The following JSRP1 variants were observed in gnomAD, a reference collection of about 807,000 sequenced individuals.
JSRP1 encodes the protein 2310032K21Rik.
In JSRP1, 29 loss-of-function variants were observed where a neutral mutation model predicts 21.4. The observed-to-expected ratio is 1.36, with a 90% CI of 1.01 to 1.85. The LOEUF is 1.85. Ranked by LOEUF, JSRP1 falls within the 40% of genes most tolerant of loss-of-function variation. The probability of loss-of-function intolerance (pLI) is 0.00; values close to 1 mark genes in which losing one functional copy is unlikely to be tolerated. For missense variants in JSRP1, 531 were observed against 461.5 expected (o/e 1.15, Z -1.38); for synonymous variants, 221 against 206.1 (o/e 1.07, Z -0.62).
In JSRP1 at chr19:2,252,458, C is replaced by T. The variant is rs948236211; in HGVS notation, c.867G>A (p.Arg289=). The change falls in exon 7 of 7, where the codon CGG becomes CGA. Residue 289 remains arginine (R), a synonymous_variant. Coordinates refer to ENST00000300961, the MANE Select transcript of JSRP1 (RefSeq NM_144616.4). ...QRWESREGGH[R]PWARDSRDAE... is the part of the protein sequence containing the mutation. Reference sequence around the variant, plus strand: ...CGTCCCTGGAGTCCCGTGCCCACGGCCGGTGGCCCCCTTCGCGTGACTCCC... The same window carrying T: ...CGTCCCTGGAGTCCCGTGCCCACGGTCGGTGGCCCCCTTCGCGTGACTCCC... 6 of 1,611,380 alleles carry T rather than the reference C, an allele frequency of 3.7e-6. No homozygotes were observed. The highest frequency in any genetic ancestry group is 1.7e-5 in the Admixed American group (1 of 59,896).
intron 2 of JSRP1, among the ~76,000 whole-genome samples, chr19:2,254,747 C>A (rs964648654): frequency 6.8e-6 from 1 of 147,528 alleles, no homozygotes; most frequent in Non-Finnish European, 1.5e-5. Flanking sequence ...AAAAAATTAG[C>A]GAGGCATGGT....
chr19:2,253,733 G>GCGGCGGCTGCGGGGGCGGCA lies in JSRP1; in HGVS notation c.322_323insTGCCGCCCCCGCAGCCGCCG (p.Pro108LeufsTer13). ...CTCCTCGCTCAGGGCCGGGGGCGGC[G>GCGGCGGCTGCGGGGGCGGCA]GCGGCGGCTGCAGGGGCGGCGCGGT... is the stretch of plus-strand genomic sequence containing the variant. On this transcript the variant is annotated frameshift_variant, in exon 5 of 7. Transcript: ENST00000300961. LOFTEE classifies it high-confidence loss of function. The GCGGCGGCTGCGGGGGCGGCA allele has an allele frequency of 6.7e-7, 1 of 1,487,766 alleles. No individual in the cohort carries two copies. The highest frequency in any genetic ancestry group is 8.9e-7 in the Non-Finnish European group (1 of 1,127,192). 92.2% of individuals were successfully genotyped at this position (1,487,766 alleles called of 1,614,324 possible). A position where few individuals can be genotyped will look rare whatever the true frequency, so the allele number is the denominator to read the frequency against.
At chr19:2,254,406 G>C (rs368012168) in intron 3 of JSRP1, 39 bp downstream of exon 3, 14 of 1,611,930 alleles carry the variant, frequency 8.7e-6, no homozygotes, top group African/African-American at 2.7e-5. Context: ...CAACTCCCCA[G>C]GCGTCCTGGG....
intron 3 of JSRP1, 40 bp from the exon 4 acceptor site, chr19:2,254,341 T>G (rs2025117111): frequency 6.3e-7 from 1 of 1,598,224 alleles, no homozygotes. Flanking sequence ...TTCCTTCCAG[T>G]GCCAAACCCT....
At chr19:2,253,853 G>A (rs1220861299) in intron 4 of JSRP1, 60 bp from the exon 5 acceptor site, 2 of 1,337,174 alleles carry the variant, frequency 1.5e-6, no homozygotes, top group Admixed American at 3.9e-5. Flanking sequence ...CCCTTCCCCG[G>A]GCGCAGGGGA....
At chr19:2,255,417 C>G in intron 1 of JSRP1, 73 bp from the exon 2 acceptor site, 2 of 620,278 alleles carry the variant, frequency 3.2e-6, no homozygotes, top group South Asian at 2.3e-5. Flanking sequence ...CCTGGAGGTT[C>G]TGCGGACACC....
intron 2 of JSRP1, 109 bp from the exon 3 acceptor site, chr19:2,254,591 A>G: frequency 8.0e-7 from 1 of 1,247,808 alleles, no homozygotes. Flanking sequence ...TCTTATAGAT[A>G]AGAAAGTAGG....
chr19:2,252,338 C>A lies in JSRP1; in HGVS notation c.987G>T (p.Gly329=). Residue 329 remains glycine, a synonymous_variant, in exon 7 of 7, where the codon GGG becomes GGT. Transcript: ENST00000300961. ...CCGGCGCGGGGCCGGCTCAGTCCCGCCCCTTGCCTGCGCGGAGCTTCTGGC... is the reference window on the plus strand; with the variant it reads ...CCGGCGCGGGGCCGGCTCAGTCCCGACCCTTGCCTGCGCGGAGCTTCTGGC... ...GSRQKLRAGK[G]RD 1 of 1,512,676 alleles carries A rather than the reference C, an allele frequency of 6.6e-7. No individual in the cohort carries two copies. Among genetic ancestry groups the A allele is most frequent in the Non-Finnish European group, 8.8e-7 (1 of 1,134,496 alleles). The allele number at this position is 1,512,676 out of a possible 1,614,324, so 93.7% of individuals were successfully genotyped here.
At chr19:2,253,508 C>T in intron 5 of JSRP1, 112 bp downstream of exon 5, 1 of 1,098,888 alleles carries the variant, frequency 9.1e-7, no homozygotes, top group Non-Finnish European at 1.2e-6. Context: ...AAGACCCAGC[C>T]CTGGAGAGGA....
chr19:2,254,938 G>C (rs1473580513), intron 2 of JSRP1, among the ~76,000 whole-genome samples: 1 of 151,966 alleles, frequency 6.6e-6, no homozygotes, highest in African/African-American at 2.4e-5. Flanking sequence ...AAGCAGACAG[G>C]CTTGGAGACA....
Position 2,254,230 on chromosome 19 carries a change from C to G in JSRP1, c.219G>C (p.Arg73Ser), listed in dbSNP as rs1321286813. ...PKKMEKEPAA[R>S]GTPGTGKERL... ...TCTCCTTCCCCGTTCCTGGGGTCCC[C>G]CTGGCGGCAGGCTCTTTTTCCATCT... Residue 73 changes from arginine (R) to serine (S), a missense_variant, in exon 4 of 7, where the codon AGG becomes AGC. By Grantham distance (110) the Arg-to-Ser change is moderately radical. Coordinates refer to ENST00000300961, the MANE Select transcript of JSRP1 (RefSeq NM_144616.4). The G allele has an allele frequency of 6.2e-7, 1 of 1,606,526 alleles. No individual in the cohort carries two copies. Among genetic ancestry groups the G allele is most frequent in the Non-Finnish European group, 8.5e-7 (1 of 1,176,656 alleles).
intron 1 of JSRP1, among the ~76,000 whole-genome samples, chr19:2,255,793 T>C (rs1270242462): frequency 6.6e-6 from 1 of 152,208 alleles, no homozygotes; most frequent in African/African-American, 2.4e-5. Context: ...TCTGCTCTCA[T>C]GGGGTCTCCC....
At position 2,254,306 on chromosome 19, in the gene JSRP1, G is replaced by A; in HGVS notation, c.148-5C>T. 4 of 1,596,748 alleles carry A rather than the reference G, an allele frequency of 2.5e-6. No individual in the cohort carries two copies. Among genetic ancestry groups the A allele is most frequent in the Non-Finnish European group, 3.4e-6 (4 of 1,167,892 alleles). On this transcript the variant is annotated splice_polypyrimidine_tract_variant and splice_region_variant and intron_variant, in intron 3 of 6. Transcript: ENST00000300961. ...GCCTTCAGCCACCTGAGAGTCCTGT[G>A]GTTATCACGAGACATTCCACATGTT...
In JSRP1 at chr19:2,252,425, G is replaced by A. The variant is rs1351000568; in HGVS notation, c.900C>T (p.Pro300=). The A allele has an allele frequency of 6.2e-7, 1 of 1,609,484 alleles. No individual in the cohort carries two copies. Among genetic ancestry groups the A allele is most frequent in the Admixed American group, 1.7e-5 (1 of 59,918 alleles). Residue 300 remains proline, a synonymous_variant, in exon 7 of 7, where the codon CCC becomes CCT. Coordinates refer to ENST00000300961, the MANE Select transcript of JSRP1 (RefSeq NM_144616.4). ...GGGACACCCAGGCCTGCTTCTTCCTGGGCTCGGCGTCCCTGGAGTCCCGTG... is the reference window on the plus strand; with the variant it reads ...GGGACACCCAGGCCTGCTTCTTCCTAGGCTCGGCGTCCCTGGAGTCCCGTG... ...PWARDSRDAE[P]RKKQAWVSPR...
rs2025068964 is a variant in JSRP1, at chr19:2,252,441, G to C, written c.884C>G (p.Ser295Cys). 3.7e-6 allele frequency: 6 copies of C among 1,610,808 alleles called. No homozygotes were observed. The highest frequency in any genetic ancestry group is 5.1e-6 in the Non-Finnish European group (6 of 1,179,584). ...CTTCTTCCTGGGCTCGGCGTCCCTG[G>C]AGTCCCGTGCCCACGGCCGGTGGCC... ...EGGHRPWARD[S>C]RDAEPRKKQA... The change falls in exon 7 of 7, where the codon TCC becomes TGC. Residue 295 changes from serine (S) to cysteine (C), a missense_variant. Physicochemically the swap from Ser to Cys is moderately radical, Grantham distance 112 (BLOSUM62 -1). Transcript: ENST00000300961.
Position 2,252,407 on chromosome 19 carries a change from C to G in JSRP1, c.918G>C (p.Trp306Cys). The G allele has an allele frequency of 6.2e-7, 1 of 1,606,274 alleles. No individual in the cohort carries two copies. The highest frequency in any genetic ancestry group is 8.5e-7 in the Non-Finnish European group (1 of 1,178,394). ...RDAEPRKKQA[W>C]VSPRRPDEEQ... ...CCTCGTCGGGACGCCTCGGGGACACCCAGGCCTGCTTCTTCCTGGGCTCGG... is the reference window on the plus strand; with the variant it reads ...CCTCGTCGGGACGCCTCGGGGACACGCAGGCCTGCTTCTTCCTGGGCTCGG... The change falls in exon 7 of 7, where the codon TGG (tryptophan) becomes TGC (cysteine). Residue 306 changes from tryptophan to cysteine, a missense_variant. Physicochemically the swap from Trp to Cys is radical, Grantham distance 215 (BLOSUM62 -2). Transcript: ENST00000300961.
rs748266894 is a variant in JSRP1 at position 2,252,795 on chromosome 19, G to C, written c.530C>G (p.Pro177Arg). ...TGGAGGCGCCTGGGCCTCGAACTTAGGCTGCAAGACAGAGTGGGGTCCTGG... is the reference window on the plus strand; with the variant it reads ...TGGAGGCGCCTGGGCCTCGAACTTACGCTGCAAGACAGAGTGGGGTCCTGG... Reference protein sequence around the residue: ...SAPREPSSPLPKFEAQAPPSA... With the variant: ...SAPREPSSPLRKFEAQAPPSA... Residue 177 changes from proline (P) to arginine (R), a missense_variant and splice_region_variant, in exon 7 of 7, where the codon CCT becomes CGT. Transcript: ENST00000300961. 2.5e-6 allele frequency: 4 copies of C among 1,610,990 alleles called. No individual in the cohort carries two copies. Among genetic ancestry groups the C allele is most frequent in the Non-Finnish European group, 3.4e-6 (4 of 1,179,156 alleles).
chr19:2,253,674 G>C lies in JSRP1; in HGVS notation c.382C>G (p.Leu128Val). 6.6e-7 allele frequency: 1 copy of C among 1,510,628 alleles called. No individual in the cohort carries two copies. Among genetic ancestry groups the C allele is most frequent in the Non-Finnish European group, 8.8e-7 (1 of 1,136,454 alleles). 93.6% of individuals were successfully genotyped at this position (1,510,628 alleles called of 1,614,324 possible). ...AGCGCCACCAGCGAGGCGAGCACCAGGCACTTGTTGAGCGACAGGTCTCCC... is the reference window on the plus strand; with the variant it reads ...AGCGCCACCAGCGAGGCGAGCACCACGCACTTGTTGAGCGACAGGTCTCCC... ...PWGDLSLNKCLVLASLVALLG... is the reference protein window; with the variant it reads ...PWGDLSLNKCVVLASLVALLG... The change falls in exon 5 of 7, where the codon CTG becomes GTG. Residue 128 changes from leucine (L) to valine (V), a missense_variant. Physicochemically the swap from Leu to Val is conservative, Grantham distance 32. Coordinates refer to ENST00000300961, the MANE Select transcript of JSRP1 (RefSeq NM_144616.4).
Position 2,252,423 on chromosome 19 carries a change from C to T in JSRP1, c.902G>A (p.Arg301Lys). 6.2e-7 allele frequency: 1 copy of T among 1,609,408 alleles called. No homozygotes were observed. Among genetic ancestry groups the T allele is most frequent in the Non-Finnish European group, 8.5e-7 (1 of 1,179,298 alleles). The change falls in exon 7 of 7, where the codon AGG becomes AAG. Residue 301 changes from arginine (R) to lysine (K), a missense_variant. By Grantham distance (26) the Arg-to-Lys change is conservative (BLOSUM62 2). Coordinates refer to ENST00000300961, the MANE Select transcript of JSRP1 (RefSeq NM_144616.4). ...WARDSRDAEP[R>K]KKQAWVSPRR... The stretch of plus-strand genomic sequence containing the variant: ...CGGGGACACCCAGGCCTGCTTCTTC[C>T]TGGGCTCGGCGTCCCTGGAGTCCCG...
Sources: gnomAD v4.1 joint callset for allele counts (sites outside exome capture counted in the v4.1 genomes callset) on GRCh38, gnomAD v4.1.1 for gene constraint, MANE v1.5 for transcripts, NCBI Gene and HGNC (gene_info 2026-07-23, HGNC 2026-07-21) for gene names.